LINGO2: variants seen among roughly 807,000 people sequenced by gnomAD.
LINGO2 encodes leucine-rich repeat and immunoglobulin-like domain-containing nogo receptor-interacting protein 2.
In LINGO2, 14 loss-of-function variants were observed where a neutral mutation model predicts 30.6. The ratio of observed to expected loss-of-function variants is 0.46; its 90% CI spans 0.30 to 0.72. The LOEUF (loss-of-function observed/expected upper bound fraction) is 0.72. Among genes scored for constraint, LINGO2 ranks in the 30% least tolerant of loss-of-function variants. The probability of loss-of-function intolerance (pLI) is 0.07; values close to 1 mark genes in which losing one functional copy is unlikely to be tolerated. For synonymous variants in LINGO2, 317 were observed against 288.5 expected, an observed-to-expected ratio of 1.10 and a Z score of -1.00; for missense variants, 729 against 751.7, an observed-to-expected ratio of 0.97 and a Z score of 0.35.
At chr9:28,671,485 G>A (rs1829006946), upstream of LINGO2, among the ~76,000 whole-genome samples, 1 of 144,792 alleles carries the variant, frequency 6.9e-6, no homozygotes, top group Admixed American at 7.1e-5. Flanking sequence ...TTAGCAACAT[G>A]GACAGAGCTG....
chr9:28,917,178 A>C, the LINGO2 span, among the ~76,000 whole-genome samples: 2 of 152,226 alleles, frequency 1.3e-5, no homozygotes, highest in Non-Finnish European at 2.9e-5. Flanking sequence ...ATGAGTGAGA[A>C]GTGGGAAACT....
chr9:28,029,649 G>T (rs1055584033), intron 4 of LINGO2, among the ~76,000 whole-genome samples: 8 of 152,134 alleles, frequency 5.3e-5, no homozygotes, highest in Non-Finnish European at 7.4e-5. Flanking sequence ...TAACTGATAC[G>T]TTTAAGAATT....
At chr9:28,236,252 G>A (rs188176713) in intron 4 of LINGO2, among the ~76,000 whole-genome samples, 26 of 152,206 alleles carry the variant, frequency 1.7e-4, no homozygotes, top group Admixed American at 4.6e-4. Flanking sequence ...TAAGCATGAA[G>A]GATAAAGACT....
chr9:28,846,434 T>C, the LINGO2 span, among the ~76,000 whole-genome samples: 1 of 125,580 alleles, frequency 8.0e-6, no homozygotes, highest in Non-Finnish European at 1.7e-5. Flanking sequence ...CTCTTAAGAT[T>C]CCCGATTTAT....
intron 5 of LINGO2, among the ~76,000 whole-genome samples, chr9:27,953,688 A>G (rs1253692830): frequency 6.6e-6 from 1 of 151,928 alleles, no homozygotes; most frequent in Non-Finnish European, 1.5e-5. Flanking sequence ...TTCCCCCTTC[A>G]GTCATAAGTT....
chr9:28,458,285 G>A (rs1441436041), intron 2 of LINGO2, among the ~76,000 whole-genome samples: 1 of 152,132 alleles, frequency 6.6e-6, no homozygotes, highest in African/African-American at 2.4e-5. Context: ...TGGATTATAT[G>A]TTTCTTAAAG....
At chr9:28,498,836 G>A (rs1819769443) in intron 1 of LINGO2, among the ~76,000 whole-genome samples, 1 of 152,016 alleles carries the variant, frequency 6.6e-6, no homozygotes, top group African/African-American at 2.4e-5. Flanking sequence ...ATCAGTAGGT[G>A]TCTAGTGCAT....
chr9:28,224,278 A>G (rs1420961924), intron 4 of LINGO2, among the ~76,000 whole-genome samples: 2 of 152,060 alleles, frequency 1.3e-5, no homozygotes, highest in African/African-American at 4.8e-5. Context: ...GTTAGCCAGG[A>G]TGGTCTCGAT....
chr9:28,876,898 C>A, the LINGO2 span, among the ~76,000 whole-genome samples: 1 of 152,100 alleles, frequency 6.6e-6, no homozygotes, highest in African/African-American at 2.4e-5. Flanking sequence ...TTCTCCACAT[C>A]CTCTCCAGCA....
At chr9:28,054,867 T>C (rs1824848857) in intron 4 of LINGO2, among the ~76,000 whole-genome samples, 2 of 152,150 alleles carry the variant, frequency 1.3e-5, no homozygotes, top group South Asian at 2.1e-4. Flanking sequence ...ATTTTAGAAA[T>C]GGAGCCTTTT....
At chr9:28,400,346 G>C (rs1223852571) in intron 2 of LINGO2, among the ~76,000 whole-genome samples, 2 of 152,104 alleles carry the variant, frequency 1.3e-5, no homozygotes, top group African/African-American at 2.4e-5. Flanking sequence ...TGGCCTGTGA[G>C]AGTCAATTAT....
At chr9:28,072,016 G>T (rs567795909) in intron 4 of LINGO2, among the ~76,000 whole-genome samples, 1 of 152,216 alleles carries the variant, frequency 6.6e-6, no homozygotes, top group East Asian at 1.9e-4. Context: ...ATTTTCTTGA[G>T]ACAAGATATA....
the LINGO2 span, among the ~76,000 whole-genome samples, chr9:29,105,306 C>G: frequency 6.6e-6 from 1 of 152,144 alleles, no homozygotes; most frequent in African/African-American, 2.4e-5. Flanking sequence ...TTAAGCCAGT[C>G]AAGATGCAAC....
At chr9:29,182,303 C>T in the LINGO2 span, among the ~76,000 whole-genome samples, 3 of 152,042 alleles carry the variant, frequency 2.0e-5, no homozygotes, top group African/African-American at 7.2e-5. Context: ...AAAAAAGCCT[C>T]ATGGATAGGA....
intron 2 of LINGO2, among the ~76,000 whole-genome samples, chr9:28,466,235 T>C (rs976838590): frequency 3.3e-5 from 5 of 152,118 alleles, no homozygotes; most frequent in African/African-American, 1.2e-4. Flanking sequence ...AACAGATGAA[T>C]GGATAAAGAA....
the LINGO2 span, among the ~76,000 whole-genome samples, chr9:28,854,109 G>T: frequency 6.6e-6 from 1 of 151,918 alleles, no homozygotes; most frequent in East Asian, 1.9e-4. Flanking sequence ...TAGTACTAGA[G>T]GGTAGAGGCC....
At chr9:28,568,219 CAAAG>C (rs904878222) in intron 1 of LINGO2, among the ~76,000 whole-genome samples, 2 of 151,822 alleles carry the variant, frequency 1.3e-5, no homozygotes, top group African/African-American at 4.8e-5. Context: ...TGAAAACAGA[CAAAG>C]AGAAAAAAAC....
At chr9:29,040,461 T>C in the LINGO2 span, among the ~76,000 whole-genome samples, 1 of 151,950 alleles carries the variant, frequency 6.6e-6, no homozygotes, top group African/African-American at 2.4e-5. Context: ...CATAATAGTA[T>C]ACTATTTTTA....
intron 5 of LINGO2, among the ~76,000 whole-genome samples, chr9:27,990,139 C>T (rs1400419373): frequency 6.6e-6 from 1 of 152,040 alleles, no homozygotes; most frequent in Non-Finnish European, 1.5e-5. Context: ...TCTTTTTACA[C>T]ATACATTGTC....
Sources: allele counts gnomAD v4.1 joint callset (sites outside exome capture counted in the v4.1 genomes callset), GRCh38; gene constraint gnomAD v4.1.1; transcripts MANE v1.5; gene names NCBI Gene and HGNC (gene_info 2026-07-23, HGNC 2026-07-21).